DNAH14: variants seen among roughly 807,000 people sequenced by gnomAD.
DNAH14 encodes the protein axonemal beta dynein heavy chain 14.
In DNAH14, 478 loss-of-function variants were observed where a neutral mutation model predicts 520.9. The observed-to-expected ratio is 0.92, with a 90% CI of 0.85 to 0.99. The LOEUF is 0.99. Ranked by LOEUF, DNAH14 falls within the 50% of genes least tolerant of loss-of-function variation. DNAH14 has a pLI of 0.00. For missense variants in DNAH14, 4,831 were observed against 5,234.5 expected (o/e 0.92, Z 2.38); for synonymous variants, 1,581 against 1,757.2 (o/e 0.90, Z 2.51).
chr1:225,252,308 C>T lies in DNAH14; in HGVS notation c.6756C>T (p.Asn2252=). The change falls in exon 44 of 86, where the codon AAC becomes AAT. Residue 2252 remains asparagine (N), a synonymous_variant. Coordinates refer to ENST00000682510, the MANE Select transcript of DNAH14 (RefSeq NM_001367479.1). ...TATTATTTTCGGTTGTAGGCATCAA[C>T]CTACCAACTGGTGAATGTTCCATCT... ...LFGNSSQVGI[N]LPTGECSIFG... 6.5e-7 allele frequency: 1 copy of T among 1,543,892 alleles called. No individual in the cohort carries two copies. Among genetic ancestry groups the T allele is most frequent in the East Asian group, 2.5e-5 (1 of 40,690 alleles).
At chr1:225,308,513 G>GC in intron 60 of DNAH14, 103 bp downstream of exon 60, 1 of 1,129,488 alleles carries the variant, frequency 8.9e-7, no homozygotes, top group Non-Finnish European at 1.2e-6. Context: ...AATACATAGT[G>GC]CCCCAACTAT....
intron 21 of DNAH14, among the ~76,000 whole-genome samples, chr1:225,096,591 T>C (rs937262672): frequency 2.6e-5 from 4 of 152,158 alleles, no homozygotes; most frequent in Non-Finnish European, 4.4e-5. Flanking sequence ...ATTAAAATAC[T>C]GAAGAAGACG....
At chr1:225,287,337 C>T (rs139058022) in intron 54 of DNAH14, among the ~76,000 whole-genome samples, 253 of 152,118 alleles carry the variant, frequency 1.7e-3, no homozygotes, top group Non-Finnish European at 3.0e-3. Flanking sequence ...GAAAAGGAGC[C>T]AATATAAAAA....
At chr1:225,277,218 C>T (rs907211222) in intron 53 of DNAH14, among the ~76,000 whole-genome samples, 192 bp from the exon 54 acceptor site, 1 of 151,866 alleles carries the variant, frequency 6.6e-6, no homozygotes, top group African/African-American at 2.4e-5. Context: ...CTCACAAGAA[C>T]ATTAGCATAG....
intron 41 of DNAH14, among the ~76,000 whole-genome samples, chr1:225,220,737 T>TGC (rs1312714843): frequency 1.4e-4 from 22 of 152,196 alleles, no homozygotes; most frequent in African/African-American, 5.1e-4. Context: ...CCAAAATAAT[T>TGC]TATAGATTCA....
intron 64 of DNAH14, among the ~76,000 whole-genome samples, chr1:225,328,944 C>T (rs1426982503): frequency 1.3e-5 from 2 of 152,012 alleles, no homozygotes; most frequent in African/African-American, 2.4e-5. Context: ...CCAAAAGTAA[C>T]ATATATATAC....
At chr1:225,254,799 A>G (rs1413981289) in intron 44 of DNAH14, among the ~76,000 whole-genome samples, 2 of 152,196 alleles carry the variant, frequency 1.3e-5, no homozygotes, top group African/African-American at 4.8e-5. Context: ...AGAGCCTCAC[A>G]TTAGATGCTG....
intron 1 of DNAH14, among the ~76,000 whole-genome samples, chr1:224,945,488 C>T (rs1249296430): frequency 6.6e-6 from 1 of 152,166 alleles, no homozygotes; most frequent in African/African-American, 2.4e-5. Context: ...CTTCTCTCAA[C>T]TTGTCAAAGT....
rs1573069790 is a variant in DNAH14, at chr1:225,100,812, C to G, written c.3795C>G (p.Thr1265=). ...ACAAACAGAATGCTTTGCAGATAAC[C>G]ACTTCTGCAGGAGTCCTTGAAATTC... ...IQNKQNALQI[T]TSAGVLEILQ... Residue 1265 remains threonine, a synonymous_variant, in exon 23 of 86, where the codon ACC becomes ACG. Coordinates refer to ENST00000682510, the MANE Select transcript of DNAH14 (RefSeq NM_001367479.1). 1 of 1,536,842 alleles carries G rather than the reference C, an allele frequency of 6.5e-7. No individual in the cohort carries two copies. The highest frequency in any genetic ancestry group is 8.8e-7 in the Non-Finnish European group (1 of 1,141,976).
In DNAH14 at chr1:225,153,813, C is replaced by T. The variant is rs973882219; in HGVS notation, c.5260C>T (p.Arg1754Trp). Residue 1754 changes from arginine (R) to tryptophan (W), a missense_variant, in exon 34 of 86, where the codon CGG becomes TGG. Physicochemically the swap from Arg to Trp is moderately radical, Grantham distance 101. Transcript: ENST00000682510. ...TTTAATAATGGCTGGAACGAAGAAA[C>T]GGGAGTTTAAATGGTCAGTTGAATT... ...IVLIMAGTKK[R>W]EFKCDTSDSL... 14 of 1,549,152 alleles carry T rather than the reference C, an allele frequency of 9.0e-6. No homozygotes were observed. The highest frequency in any genetic ancestry group is 4.9e-5 in the East Asian group (2 of 40,804).
chr1:224,992,994 G>GAT (rs1412385229), intron 8 of DNAH14, among the ~76,000 whole-genome samples: 1 of 152,068 alleles, frequency 6.6e-6, no homozygotes, highest in Admixed American at 6.6e-5. Flanking sequence ...CTGTTAATGT[G>GAT]ATGTATCACA....
intron 27 of DNAH14, 117 bp from the exon 28 acceptor site, chr1:225,140,651 T>G: frequency 1.2e-6 from 1 of 853,462 alleles, no homozygotes. Flanking sequence ...ACACAAACAC[T>G]TACATACACA....
intron 81 of DNAH14, among the ~76,000 whole-genome samples, chr1:225,386,500 C>A (rs577462091): frequency 6.6e-6 from 1 of 152,260 alleles, no homozygotes; most frequent in East Asian, 1.9e-4. Context: ...GGGCTAATAT[C>A]CAGAATCTAC....
At chr1:225,228,351 C>G (rs1024229677) in intron 41 of DNAH14, among the ~76,000 whole-genome samples, 2 of 152,190 alleles carry the variant, frequency 1.3e-5, no homozygotes, top group Non-Finnish European at 2.9e-5. Flanking sequence ...ACAAGATGCA[C>G]TGGCATTCTG....
chr1:225,216,811 G>T (rs1412848983), intron 41 of DNAH14, among the ~76,000 whole-genome samples: 1 of 152,070 alleles, frequency 6.6e-6, no homozygotes, highest in Non-Finnish European at 1.5e-5. Context: ...CTTTTTTCAA[G>T]GTTTTTAGCT....
intron 27 of DNAH14, among the ~76,000 whole-genome samples, chr1:225,136,077 A>C (rs1161256842): frequency 6.6e-6 from 1 of 152,148 alleles, no homozygotes. Context: ...TCTTGAGGAC[A>C]GTATACTGAT....
chr1:225,362,002 T>A (rs1267517740), intron 75 of DNAH14, among the ~76,000 whole-genome samples: 1 of 152,260 alleles, frequency 6.6e-6, no homozygotes, highest in Non-Finnish European at 1.5e-5. Context: ...TTCTGCCATG[T>A]CTTTCATTCA....
chr1:225,152,208 C>T, intron 32 of DNAH14, 135 bp downstream of exon 32: 1 of 702,228 alleles, frequency 1.4e-6, no homozygotes, highest in African/African-American at 1.8e-5. Flanking sequence ...ACTTCCACTC[C>T]CAACACCATT....
Position 225,165,260 on chromosome 1 carries a change from C to G in DNAH14, c.5446-2679C>G, listed in dbSNP as rs116438454. On this transcript the variant is annotated intron_variant, in intron 35 of 85. Coordinates refer to ENST00000682510, the MANE Select transcript of DNAH14 (RefSeq NM_001367479.1). ...TATTTATTATTTTATAGTGTATCTACTCTTTCTCTTCGTATGCCCTTAAAA... is the reference window on the plus strand; with the variant it reads ...TATTTATTATTTTATAGTGTATCTAGTCTTTCTCTTCGTATGCCCTTAAAA... 7.7e-3 allele frequency among the ~76,000 whole-genome samples: 1,169 copies of G among 152,184 alleles called. 8 individuals are homozygous for G. Among genetic ancestry groups the G allele is most frequent in the Middle Eastern group, 0.034 (10 of 292 alleles).
Sources: gnomAD v4.1 joint callset for allele counts (sites outside exome capture counted in the v4.1 genomes callset) on GRCh38, gnomAD v4.1.1 for gene constraint, MANE v1.5 for transcripts, NCBI Gene and HGNC (gene_info 2026-07-23, HGNC 2026-07-21) for gene names.